Variants in BCAS3 observed in about 807,000 individuals in gnomAD.
The protein encoded by BCAS3 is BCAS4/BCAS3 fusion.
BCAS3 carries 53 observed loss-of-function variants against 116.1 expected under a neutral mutation model. The observed-to-expected ratio is 0.46, with a 90% CI of 0.37 to 0.57. The LOEUF (loss-of-function observed/expected upper bound fraction) is 0.57. BCAS3 is among the 20% of genes least tolerant of loss of function. The pLI is 0.00. For missense variants in BCAS3, 917 were observed against 1,165.4 expected (o/e 0.79, Z 3.10); for synonymous variants, 391 against 408.2 (o/e 0.96, Z 0.51).
At chr17:60,708,278 T>C (rs1300403425) in intron 4 of BCAS3, among the ~76,000 whole-genome samples, 1 of 147,298 alleles carries the variant, frequency 6.8e-6, no homozygotes, top group African/African-American at 2.5e-5. Flanking sequence ...TGAGCTATGA[T>C]GGCACCACTG....
chr17:61,256,624 CTT>C lies in BCAS3; in HGVS notation c.2426-111701_2426-111700del, dbSNP rs2048800640. ...TGGCCGTTTGGTTTTGTTTAGGTGT[CTT>C]TGTCCATGGAGTGCTATGTGTCCAG... On this transcript the variant is annotated intron_variant, in intron 22 of 23. Transcript: ENST00000407086. The surrounding 1 kb of genome is among the most constrained non-coding windows in gnomAD (Gnocchi z 5.6). Among the ~76,000 whole-genome samples the C allele has an allele frequency of 6.6e-6, 1 of 152,038 alleles. No homozygotes were observed. Among genetic ancestry groups the C allele is most frequent in the Non-Finnish European group, 1.5e-5 (1 of 67,974 alleles).
At position 61,073,692 on chromosome 17, in the gene BCAS3, C is replaced by T. The variant is rs945970511; in HGVS notation, c.2030-1228C>T. Among the ~76,000 whole-genome samples the T allele has an allele frequency of 6.6e-6, 1 of 152,076 alleles. No homozygotes were observed. The highest frequency in any genetic ancestry group is 1.5e-5 in the Non-Finnish European group (1 of 68,022). On this transcript the variant is annotated intron_variant, in intron 19 of 23. Coordinates refer to ENST00000407086, the MANE Select transcript of BCAS3 (RefSeq NM_017679.5). This position sits in a 1 kb window ranked among gnomAD's most constrained non-coding sequence, Gnocchi z 4.6. Reference sequence around the variant, plus strand: ...GAAATTATGAGGGTTTTCAGCTTCTCATTCTTTTCTATTTCTTCCACACTT... The same window carrying T: ...GAAATTATGAGGGTTTTCAGCTTCTTATTCTTTTCTATTTCTTCCACACTT...
At chr17:61,269,112 C>A (rs557425817) in intron 22 of BCAS3, among the ~76,000 whole-genome samples, 6 of 150,120 alleles carry the variant, frequency 4.0e-5, no homozygotes, top group East Asian at 3.9e-4. Context: ...ATTGTATTTT[C>A]TTTTCTTTTT....
intron 6 of BCAS3, among the ~76,000 whole-genome samples, chr17:60,804,178 C>T (rs896463961): frequency 1.7e-4 from 26 of 150,828 alleles, no homozygotes; most frequent in African/African-American, 6.1e-4. Flanking sequence ...TTTTTCTCTT[C>T]TTTGTAAAAA....
intron 9 of BCAS3, among the ~76,000 whole-genome samples, chr17:60,875,978 GAATTT>G (rs1221046529): frequency 6.6e-6 from 1 of 151,854 alleles, no homozygotes; most frequent in East Asian, 1.9e-4. Context: ...AGACATTATA[GAATTT>G]AATTTGTACA....
intron 4 of BCAS3, among the ~76,000 whole-genome samples, chr17:60,705,842 G>A (rs1668047421): frequency 6.6e-6 from 1 of 152,184 alleles, no homozygotes. Context: ...GCAAATGATG[G>A]AAGAAGGATT....
rs1220631559 is a variant in BCAS3 at position 61,098,171 on chromosome 17, A to G, written c.2425+13607A>G. 1.3e-5 allele frequency among the ~76,000 whole-genome samples: 2 copies of G among 152,216 alleles called. No individual in the cohort carries two copies. The highest frequency in any genetic ancestry group is 2.9e-5 in the Non-Finnish European group (2 of 68,034). ...TCCTTCTTGCATAGAGAGGTAATCA[A>G]TATGGTCTAGAGTTCTTGACCTGAA... On this transcript the variant is annotated intron_variant, in intron 22 of 23. Coordinates refer to ENST00000407086, the MANE Select transcript of BCAS3 (RefSeq NM_017679.5). This position sits in a 1 kb window ranked among gnomAD's most constrained non-coding sequence, Gnocchi z 4.2.
intron 22 of BCAS3, among the ~76,000 whole-genome samples, chr17:61,143,207 C>T (rs949085745): frequency 4.6e-5 from 7 of 152,248 alleles, no homozygotes; most frequent in African/African-American, 1.4e-4. Context: ...CTAGGATGTA[C>T]TTAGTAATTG....
chr17:60,963,727 T>A (rs1263572586), intron 14 of BCAS3, among the ~76,000 whole-genome samples: 1 of 152,072 alleles, frequency 6.6e-6, no homozygotes, highest in Non-Finnish European at 1.5e-5. Flanking sequence ...AGCTAATTTT[T>A]TGTATTTTTA....
intron 8 of BCAS3, 111 bp downstream of exon 8, chr17:60,868,794 A>G: frequency 1.8e-6 from 1 of 567,180 alleles, no homozygotes; most frequent in Non-Finnish European, 3.0e-6. Flanking sequence ...AAAAATCTCA[A>G]GGAAACACCT....
chr17:60,940,332 AT>A (rs1445103391), intron 13 of BCAS3, among the ~76,000 whole-genome samples: 2 of 152,198 alleles, frequency 1.3e-5, no homozygotes, highest in Non-Finnish European at 2.9e-5. Flanking sequence ...GATATACTAT[AT>A]TTTAGGCTAC....
At chr17:61,197,238 T>G (rs532250006) in intron 22 of BCAS3, among the ~76,000 whole-genome samples, 2 of 152,268 alleles carry the variant, frequency 1.3e-5, no homozygotes, top group Admixed American at 1.3e-4. Context: ...AAGAAAAAAT[T>G]TGTTCTCATT....
At chr17:60,757,037 C>T (rs1028755089) in intron 6 of BCAS3, among the ~76,000 whole-genome samples, 1 of 152,092 alleles carries the variant, frequency 6.6e-6, no homozygotes, top group African/African-American at 2.4e-5. Context: ...TTGGCGCGTG[C>T]CTGTAGTCGC....
intron 9 of BCAS3, among the ~76,000 whole-genome samples, chr17:60,880,328 C>T (rs529386682): frequency 2.0e-5 from 3 of 151,662 alleles, no homozygotes; most frequent in East Asian, 3.9e-4. Context: ...CTCGCTCTGT[C>T]GCCAGGCTGG....
intron 22 of BCAS3, among the ~76,000 whole-genome samples, chr17:61,221,939 C>G (rs778449644): frequency 6.6e-5 from 10 of 152,162 alleles, no homozygotes; most frequent in Non-Finnish European, 1.5e-4. Flanking sequence ...TAACTTACGT[C>G]ATAAGTTTGT....
chr17:60,849,281 C>CTTT (rs201004782), intron 7 of BCAS3, among the ~76,000 whole-genome samples: 1 of 139,924 alleles, frequency 7.1e-6, no homozygotes, highest in Admixed American at 7.2e-5. Flanking sequence ...GTGTTCAGTT[C>CTTT]TTTTTTTTTT....
intron 13 of BCAS3, among the ~76,000 whole-genome samples, chr17:60,935,914 A>T (rs1392232218): frequency 1.3e-5 from 2 of 150,776 alleles, no homozygotes; most frequent in African/African-American, 4.9e-5. Context: ...CATGCAGGTT[A>T]TTTACATATG....
At chr17:60,819,421 C>T (rs1027374680) in intron 7 of BCAS3, among the ~76,000 whole-genome samples, 1 of 152,126 alleles carries the variant, frequency 6.6e-6, no homozygotes, top group African/African-American at 2.4e-5. Flanking sequence ...ACTATGGACA[C>T]ATCTAAAGAC....
chr17:61,121,076 G>T (rs779344681), intron 22 of BCAS3, among the ~76,000 whole-genome samples: 3 of 151,654 alleles, frequency 2.0e-5, no homozygotes, highest in Admixed American at 2.0e-4. Flanking sequence ...TTATATTTTA[G>T]CAAAAATATT....
Sources: gnomAD v4.1 joint callset for allele counts (sites outside exome capture counted in the v4.1 genomes callset) on GRCh38, gnomAD v4.1.1 for gene constraint, Gnocchi (gnomAD v3.1) non-coding constraint, MANE v1.5 for transcripts, NCBI Gene and HGNC (gene_info 2026-07-23, HGNC 2026-07-21) for gene names.